Variants in ZSCAN25 observed in about 807,000 individuals in gnomAD.
ZSCAN25 encodes the protein zinc finger and SCAN domain containing 25.
Under a neutral mutation model 38.7 loss-of-function variants are expected in ZSCAN25, and 27 were observed. That is an observed-to-expected ratio of 0.70 (90% CI 0.51 to 0.96). ZSCAN25 has a LOEUF of 0.96. Among genes scored for constraint, ZSCAN25 ranks in the 40% least tolerant of loss-of-function variants. The pLI is 0.00. For missense variants in ZSCAN25, 637 were observed against 705.9 expected (o/e 0.90, Z 1.11); for synonymous variants, 273 against 277.7 (o/e 0.98, Z 0.17).
chr7:99,668,869 T>A, the ZSCAN25 span, among the ~76,000 whole-genome samples: 2 of 152,212 alleles, frequency 1.3e-5, no homozygotes, highest in Non-Finnish European at 2.9e-5. Context: ...ATTGACACTG[T>A]CAGGTATTAG....
At chr7:99,696,740 G>A in the ZSCAN25 span, among the ~76,000 whole-genome samples, 4 of 152,136 alleles carry the variant, frequency 2.6e-5, no homozygotes, top group African/African-American at 4.8e-5. Flanking sequence ...CTGCCCCTAC[G>A]CAAATCTCAT....
At chr7:99,666,553 G>A in the ZSCAN25 span, 21 of 1,586,810 alleles carry the variant, frequency 1.3e-5, no homozygotes, top group African/African-American at 2.0e-4. Flanking sequence ...GCAGGCAGCT[G>A]GAAGGGCTCA....
the ZSCAN25 span, among the ~76,000 whole-genome samples, chr7:99,668,747 G>A: frequency 6.6e-6 from 1 of 152,242 alleles, no homozygotes; most frequent in Non-Finnish European, 1.5e-5. Flanking sequence ...TTCTGGACAA[G>A]GCAGAGCGCT....
chr7:99,624,085 T>C lies in ZSCAN25; in HGVS notation c.710T>C (p.Leu237Pro), dbSNP rs1334673335. 2.5e-6 allele frequency: 4 copies of C among 1,614,178 alleles called. No individual in the cohort carries two copies. The Admixed American group carries it at 5.0e-5, about 20-fold the overall frequency. Residue 237 changes from leucine to proline, a missense_variant, in exon 7 of 8, where the codon CTG becomes CCG. Leu to Pro is a moderately conservative substitution (Grantham distance 98). Coordinates refer to ENST00000394152, the MANE Select transcript of ZSCAN25 (RefSeq NM_145115.3). ...TTGGGGCCATTTAAAGATATGGCCC[T>C]GGCCTTCCCTGAGGAGGAGTGGAGG... The part of the protein sequence containing the change: ...QGLGPFKDMA[L>P]AFPEEEWRHV...
intron 7 of ZSCAN25, among the ~76,000 whole-genome samples, chr7:99,625,461 G>T (rs1584358439): frequency 6.6e-6 from 1 of 152,202 alleles, no homozygotes; most frequent in East Asian, 1.9e-4. Flanking sequence ...GCATGTAATA[G>T]TGGGATACGG....
the ZSCAN25 span, among the ~76,000 whole-genome samples, chr7:99,696,700 T>C: frequency 4.6e-4 from 70 of 152,324 alleles, 1 homozygote; most frequent in East Asian, 0.013. Context: ...CACCTGATAA[T>C]AAGCACACTG....
the ZSCAN25 span, chr7:99,650,057 C>G: frequency 1.9e-6 from 3 of 1,613,370 alleles, no homozygotes; most frequent in South Asian, 3.3e-5. Context: ...ATAAAACATA[C>G]AGAAAGTGTA....
chr7:99,662,273 G>A, the ZSCAN25 span, among the ~76,000 whole-genome samples: 12 of 152,188 alleles, frequency 7.9e-5, no homozygotes, highest in East Asian at 1.9e-3. The surrounding 1 kb of genome is among the most constrained non-coding windows in gnomAD (Gnocchi z 4.3). Flanking sequence ...TAATGGTTTT[G>A]GTTAAAACCA....
At chr7:99,722,288 A>G in the ZSCAN25 span, 2 of 1,613,656 alleles carry the variant, frequency 1.2e-6, no homozygotes, top group South Asian at 2.2e-5. Flanking sequence ...ATCTTCCAGA[A>G]TACTCACCCC....
chr7:99,692,658 CT>C, the ZSCAN25 span, among the ~76,000 whole-genome samples: 1 of 152,148 alleles, frequency 6.6e-6, no homozygotes, highest in Non-Finnish European at 1.5e-5. Context: ...TCTTTGATCA[CT>C]GATATCCTTT....
the ZSCAN25 span, among the ~76,000 whole-genome samples, chr7:99,721,636 C>T: frequency 1.6e-4 from 25 of 152,238 alleles, no homozygotes; most frequent in South Asian, 3.7e-3. Context: ...TAGTTTAGAC[C>T]GAAGACCTCA....
chr7:99,629,888 G>C lies in ZSCAN25; in HGVS notation c.1503G>C (p.Leu501=), dbSNP rs756725072. Residue 501 remains leucine (L), a synonymous_variant, in exon 8 of 8, where the codon CTG becomes CTC. Coordinates refer to ENST00000394152, the MANE Select transcript of ZSCAN25 (RefSeq NM_145115.3). This position sits in a 1 kb window ranked among gnomAD's most constrained non-coding sequence, Gnocchi z 5.6. The part of the protein sequence containing the change: ...CGKRFSKGER[L]VRHQRIHTGE... ...AGCGGTTCAGCAAAGGGGAGCGGCT[G>C]GTCCGACACCAGAGAATCCATACAG... The C allele has an allele frequency of 1.2e-6, 2 of 1,614,138 alleles. No homozygotes were observed. Among genetic ancestry groups the C allele is most frequent in the African/African-American group, 1.3e-5 (1 of 74,952 alleles).
chr7:99,687,310 T>C, the ZSCAN25 span, among the ~76,000 whole-genome samples: 1 of 152,074 alleles, frequency 6.6e-6, no homozygotes, highest in African/African-American at 2.4e-5. Context: ...GAATAACCAA[T>C]ACAGAGAAGT....
At chr7:99,690,971 C>G in the ZSCAN25 span, among the ~76,000 whole-genome samples, 2 of 152,208 alleles carry the variant, frequency 1.3e-5, no homozygotes, top group Non-Finnish European at 2.9e-5. Context: ...ATAAATCATG[C>G]TGCTATAAAG....
At position 99,625,548 on chromosome 7, in the gene ZSCAN25, A is replaced by T. The variant is rs1168430915; in HGVS notation, c.805+1368A>T. 3.9e-5 allele frequency among the ~76,000 whole-genome samples: 6 copies of T among 152,294 alleles called. No homozygotes were observed. In the East Asian group the frequency reaches 1.2e-3, roughly 29 times the overall value. ...GTGTGGCAGTGATGCAAGTGGCAGAAAGATGTCAGCATACTTTATGTGGAG... is the reference window on the plus strand; with the variant it reads ...GTGTGGCAGTGATGCAAGTGGCAGATAGATGTCAGCATACTTTATGTGGAG... On this transcript the variant is annotated intron_variant, in intron 7 of 7. Coordinates refer to ENST00000394152, the MANE Select transcript of ZSCAN25 (RefSeq NM_145115.3).
rs549356320 is a variant in ZSCAN25, at chr7:99,622,686, T to G, written c.681+46T>G. Reference sequence around the variant, plus strand: ...CAGAAATCATGACCGTTGCTTTGATTGAGGTTCACCTTCCCCAAGGTTTCT... The same window carrying G: ...CAGAAATCATGACCGTTGCTTTGATGGAGGTTCACCTTCCCCAAGGTTTCT... On this transcript the variant is annotated intron_variant, in intron 6 of 7. Coordinates refer to ENST00000394152, the MANE Select transcript of ZSCAN25 (RefSeq NM_145115.3). 5.7e-6 allele frequency: 9 copies of G among 1,574,722 alleles called. No homozygotes were observed. In the South Asian group the frequency reaches 8.9e-5, roughly 16 times the overall value.
At chr7:99,644,077 A>G in the ZSCAN25 span, among the ~76,000 whole-genome samples, 1 of 152,154 alleles carries the variant, frequency 6.6e-6, no homozygotes, top group African/African-American at 2.4e-5. Context: ...GGAGATGGTC[A>G]TCAGTGTTCT....
the ZSCAN25 span, chr7:99,662,923 C>A: frequency 6.2e-7 from 1 of 1,610,928 alleles, no homozygotes; most frequent in South Asian, 1.1e-5. The surrounding 1 kb of genome is among the most constrained non-coding windows in gnomAD (Gnocchi z 4.3). Flanking sequence ...GAAAGTGACT[C>A]GTGAAGTCAG....
the ZSCAN25 span, among the ~76,000 whole-genome samples, chr7:99,653,384 G>A: frequency 1.5e-3 from 222 of 152,208 alleles, no homozygotes; most frequent in African/African-American, 5.0e-3. The surrounding 1 kb of genome is among the most constrained non-coding windows in gnomAD (Gnocchi z 4.2). Flanking sequence ...CTGGGAGGCA[G>A]AGTTTGCAGT....
Sources: allele counts gnomAD v4.1 joint callset (sites outside exome capture counted in the v4.1 genomes callset), GRCh38; gene constraint gnomAD v4.1.1; non-coding constraint Gnocchi (gnomAD v3.1); transcripts MANE v1.5; gene names NCBI Gene and HGNC (gene_info 2026-07-23, HGNC 2026-07-21).